The following PCDHGA4 variants were observed in gnomAD, a reference collection of about 807,000 sequenced individuals.
PCDHGA4 encodes protocadherin gamma subfamily A, 4.
A neutral mutation model predicts 54.6 loss-of-function variants in PCDHGA4; 38 were observed. That is an observed-to-expected ratio of 0.70 (90% CI 0.54 to 0.91). The LOEUF (loss-of-function observed/expected upper bound fraction) is 0.91. Ranked by LOEUF, PCDHGA4 falls within the 40% of genes least tolerant of loss-of-function variation. The pLI is 0.00. For synonymous variants in PCDHGA4, 511 were observed against 512.9 expected (o/e 1.00, Z 0.05); for missense variants, 1,298 against 1,220.9 (o/e 1.06, Z -0.94).
chr5:141,418,244 C>G (rs746986702), intron 1 of PCDHGA4: 1 of 1,613,980 alleles, frequency 6.2e-7, no homozygotes. Flanking sequence ...TGTTAATGAC[C>G]ACGCCCCTCA....
At chr5:141,382,809 C>A in intron 1 of PCDHGA4, 1 of 1,143,884 alleles carries the variant, frequency 8.7e-7, no homozygotes, top group Non-Finnish European at 1.2e-6. Context: ...TTCTGAGCTC[C>A]CCTTCCTAAG....
intron 1 of PCDHGA4, among the ~76,000 whole-genome samples, chr5:141,373,280 A>G (rs1187870137): frequency 6.6e-6 from 1 of 152,242 alleles, no homozygotes; most frequent in Non-Finnish European, 1.5e-5. Context: ...GATGTTGCCT[A>G]TGTCAGGGCA....
rs1288831801 is a variant in PCDHGA4, at chr5:141,477,793, T to C, written c.2515-17014T>C. The C allele has an allele frequency of 6.2e-7, 1 of 1,614,050 alleles. No homozygotes were observed. The highest frequency in any genetic ancestry group is 2.2e-5 in the East Asian group (1 of 44,874). ...TCAGCGTGAACATATTTGTCACTGATCGCAATGACAATGCCCCCCAGGTCC... is the reference window on the plus strand; with the variant it reads ...TCAGCGTGAACATATTTGTCACTGACCGCAATGACAATGCCCCCCAGGTCC... On this transcript the variant is annotated intron_variant, in intron 1 of 3. Coordinates refer to ENST00000571252, the MANE Select transcript of PCDHGA4 (RefSeq NM_018917.4). This position sits in a 1 kb window ranked among gnomAD's most constrained non-coding sequence, Gnocchi z 4.9.
At position 141,486,548 on chromosome 5, in the gene PCDHGA4, T is replaced by C; in HGVS notation, c.2515-8259T>C. 1 of 1,614,100 alleles carries C rather than the reference T, an allele frequency of 6.2e-7. No individual in the cohort carries two copies. ...TAATCCACCCTCTTTCTTTCAGAGG[T>C]CACATGAGGTGTTTGTTCCTGAGAA... is the stretch of plus-strand genomic sequence containing the variant. On this transcript the variant is annotated intron_variant, in intron 1 of 3. Coordinates refer to ENST00000571252, the MANE Select transcript of PCDHGA4 (RefSeq NM_018917.4). The surrounding 1 kb of genome is among the most constrained non-coding windows in gnomAD (Gnocchi z 5.0).
rs771398829 is a variant in PCDHGA4, at chr5:141,421,251, G to A, written c.2514+63630G>A. ...CCATGGCGAATCGGCTACAGCGCGG[G>A]GACCGCAGTCGGCTGCTGCTGCTGC... On this transcript the variant is annotated intron_variant, in intron 1 of 3. Transcript: ENST00000571252. 17 of 1,606,770 alleles carry A rather than the reference G, an allele frequency of 1.1e-5. No homozygotes were observed. The East Asian group carries it at 3.1e-4, about 30-fold the overall frequency.
chr5:141,411,785 G>A (rs2095515346), intron 1 of PCDHGA4: 1 of 152,310 alleles, frequency 6.6e-6, no homozygotes, highest in South Asian at 2.1e-4. Context: ...TGGTGGCTGT[G>A]GTGGGAGAAT....
At chr5:141,426,507 C>G in intron 1 of PCDHGA4, 1 of 342,512 alleles carries the variant, frequency 2.9e-6, no homozygotes, top group Non-Finnish European at 5.8e-6. Context: ...AGAAACAATA[C>G]TTTACCGTGA....
chr5:141,488,193 T>C (rs1211647195), intron 1 of PCDHGA4, among the ~76,000 whole-genome samples: 1 of 152,122 alleles, frequency 6.6e-6, no homozygotes, highest in Non-Finnish European at 1.5e-5. Flanking sequence ...TTGGTCTGGG[T>C]CTTAGGACTC....
In PCDHGA4 at chr5:141,356,094, T is replaced by C. The variant is rs1196881298; in HGVS notation, c.987T>C (p.Ser329=). 1 of 1,613,784 alleles carries C rather than the reference T, an allele frequency of 6.2e-7. No homozygotes were observed. The highest frequency in any genetic ancestry group is 1.1e-5 in the South Asian group (1 of 91,060). ...AGCTATTTCAGTTGAATTCTCTGAG[T>C]GGGGATATAACAATATTGGGGGGTC... is the stretch of plus-strand genomic sequence containing the variant. ...ISQLFQLNSL[S]GDITILGGLD... is the part of the protein sequence containing the mutation. Residue 329 remains serine, a synonymous_variant, in exon 1 of 4, where the codon AGT becomes AGC. Transcript: ENST00000571252.
chr5:141,469,410 A>G (rs2099200490), intron 1 of PCDHGA4, among the ~76,000 whole-genome samples: 1 of 152,128 alleles, frequency 6.6e-6, no homozygotes, highest in Non-Finnish European at 1.5e-5. Context: ...CCCCGTTTCT[A>G]CTAAAAATAT....
chr5:141,497,211 G>T (rs914346878), intron 2 of PCDHGA4, among the ~76,000 whole-genome samples: 12 of 28,538 alleles, frequency 4.2e-4, no homozygotes, highest in African/African-American at 1.1e-3. Context: ...GAGTGTAATG[G>T]GGGGGGGAAG....
At chr5:141,370,542 C>A in intron 1 of PCDHGA4, 1 of 1,613,902 alleles carries the variant, frequency 6.2e-7, no homozygotes, top group Non-Finnish European at 8.5e-7. Flanking sequence ...GGTAGGGAAC[C>A]TCGCCAAGGA....
intron 1 of PCDHGA4, chr5:141,475,801 A>G: frequency 3.2e-6 from 1 of 312,546 alleles, no homozygotes. Flanking sequence ...AGGAAGCCAA[A>G]GGAAAGTGAA....
chr5:141,404,572 A>G (rs755182149), intron 1 of PCDHGA4: 79 of 1,613,728 alleles, frequency 4.9e-5, no homozygotes, highest in Non-Finnish European at 6.0e-5. Context: ...GTGGAAGCCC[A>G]CCACTTAGCA....
At chr5:141,488,525 G>A (rs1040463796) in intron 1 of PCDHGA4, among the ~76,000 whole-genome samples, 1 of 152,182 alleles carries the variant, frequency 6.6e-6, no homozygotes, top group African/African-American at 2.4e-5. Flanking sequence ...TGGGGTGTCA[G>A]AAAAGCTAAG....
intron 3 of PCDHGA4, among the ~76,000 whole-genome samples, chr5:141,509,139 A>G (rs1042555376): frequency 2.6e-5 from 4 of 152,140 alleles, no homozygotes; most frequent in African/African-American, 9.7e-5. Flanking sequence ...ACCGAGGCGC[A>G]TCCCGGCTCT....
At chr5:141,368,708 A>G (rs933358136) in intron 1 of PCDHGA4, among the ~76,000 whole-genome samples, 1 of 152,210 alleles carries the variant, frequency 6.6e-6, no homozygotes, top group Admixed American at 6.5e-5. Context: ...CTTGATCCAT[A>G]CATTTTGAAT....
chr5:141,494,712 C>T, intron 1 of PCDHGA4, 95 bp from the exon 2 acceptor site: 1 of 1,603,048 alleles, frequency 6.2e-7, no homozygotes, highest in Non-Finnish European at 8.5e-7. Context: ...TCTGTGCCCA[C>T]TCCCCTCCTT....
At chr5:141,478,016 G>A (rs1204231648) in intron 1 of PCDHGA4, 1 of 1,614,108 alleles carries the variant, frequency 6.2e-7, no homozygotes, top group Non-Finnish European at 8.5e-7. Context: ...TGCCCGTCCA[G>A]TCCAAGACAC....
Sources: allele counts gnomAD v4.1 joint callset (sites outside exome capture counted in the v4.1 genomes callset), GRCh38; gene constraint gnomAD v4.1.1; non-coding constraint Gnocchi (gnomAD v3.1); transcripts MANE v1.5; gene names NCBI Gene and HGNC (gene_info 2026-07-23, HGNC 2026-07-21).